Variants in FLI1 observed in about 807,000 individuals in gnomAD.
The protein encoded by FLI1 is Friend leukemia integration 1 transcription factor.
Under a neutral mutation model 53.1 loss-of-function variants are expected in FLI1, and 13 were observed. The ratio of observed to expected loss-of-function variants is 0.24; its 90% confidence interval spans 0.16 to 0.39. FLI1 has a LOEUF of 0.39. FLI1 is among the 10% of genes least tolerant of loss of function. FLI1 has a pLI of 1.00. For synonymous variants in FLI1, 244 were observed against 236.7 expected, an observed-to-expected ratio of 1.03 and a Z score of -0.28; for missense variants, 424 against 600.5, an observed-to-expected ratio of 0.71 and a Z score of 3.07.
rs749243304 is a variant in FLI1, at chr11:128,781,991, C to A, written c.623C>A (p.Thr208Asn). The part of the protein sequence containing the change: ...SLLAYNTTSH[T>N]DQSSRLSVKE... ...CTGGCCTATAATACAACCTCCCACA[C>A]CGACCAATCCTCACGATTGAGTGTC... Residue 208 changes from threonine to asparagine, a missense_variant, in exon 5 of 9, where the codon ACC becomes AAC. Physicochemically the swap from Thr to Asn is moderately conservative, Grantham distance 65 (BLOSUM62 0). This residue lies in a region of FLI1 where 114 missense variants were observed against 117.9 expected (regional missense o/e 0.97). Coordinates refer to ENST00000527786, the MANE Select transcript of FLI1 (RefSeq NM_002017.5). 2 of 1,613,948 alleles carry A rather than the reference C, an allele frequency of 1.2e-6. No individual in the cohort carries two copies. The highest frequency in any genetic ancestry group is 1.7e-6 in the Non-Finnish European group (2 of 1,179,832).
At chr11:128,802,108 C>T (rs964240411) in intron 5 of FLI1, among the ~76,000 whole-genome samples, 1 of 152,182 alleles carries the variant, frequency 6.6e-6, no homozygotes, top group African/African-American at 2.4e-5. Context: ...CTGTGCTGGG[C>T]ACTATGCTGG....
chr11:128,765,177 G>A (rs574443763), intron 2 of FLI1, among the ~76,000 whole-genome samples: 9 of 152,270 alleles, frequency 5.9e-5, no homozygotes, highest in East Asian at 5.8e-4. Context: ...CCTCCTCTGC[G>A]TCCACTTTCC....
At chr11:128,693,627 C>A (rs1937856777), upstream of FLI1, 1 of 225,508 alleles carries the variant, frequency 4.4e-6, no homozygotes, top group Non-Finnish European at 8.8e-6. Context: ...TTCGGCCAAC[C>A]GCCTCAGGAA....
chr11:128,688,758 G>C (rs1050908012), intron 1 of FLI1, among the ~76,000 whole-genome samples: 1 of 152,216 alleles, frequency 6.6e-6, no homozygotes, highest in Non-Finnish European at 1.5e-5. Flanking sequence ...GAAAGGGAGA[G>C]AGGGAAGAGG....
chr11:128,715,934 CA>C (rs1447883965), intron 1 of FLI1, among the ~76,000 whole-genome samples: 1 of 152,166 alleles, frequency 6.6e-6, no homozygotes, highest in East Asian at 1.9e-4. Flanking sequence ...CTAAGGAGAG[CA>C]AGGTTTGTGA....
At chr11:128,780,678 G>A (rs762704728) in intron 4 of FLI1, among the ~76,000 whole-genome samples, 4 of 152,180 alleles carry the variant, frequency 2.6e-5, no homozygotes, top group African/African-American at 7.2e-5. Context: ...ACAACCAAAC[G>A]CCCACAGCTG....
At chr11:128,700,359 T>C (rs1938272663) in intron 1 of FLI1, among the ~76,000 whole-genome samples, 1 of 152,238 alleles carries the variant, frequency 6.6e-6, no homozygotes, top group African/African-American at 2.4e-5. Context: ...TTCTCATTCC[T>C]GATTCCTGCT....
intron 1 of FLI1, among the ~76,000 whole-genome samples, chr11:128,735,259 A>G (rs1939872295): frequency 6.6e-6 from 1 of 152,232 alleles, no homozygotes; most frequent in Admixed American, 6.5e-5. Flanking sequence ...AAGTCTAGAA[A>G]ATGCATCATC....
upstream of FLI1, chr11:128,693,529 C>T (rs751030140): frequency 6.0e-5 from 11 of 184,138 alleles, no homozygotes; most frequent in Non-Finnish European, 1.2e-4. Flanking sequence ...CCTACCCCAC[C>T]CCCAAAAAGT....
intron 5 of FLI1, among the ~76,000 whole-genome samples, chr11:128,790,710 A>T (rs1177698398): frequency 6.6e-6 from 1 of 152,234 alleles, no homozygotes; most frequent in Non-Finnish European, 1.5e-5. Flanking sequence ...GTATCAGTCC[A>T]CTGCCTTATT....
intron 3 of FLI1, among the ~76,000 whole-genome samples, chr11:128,771,529 C>G (rs1460411067): frequency 6.6e-6 from 1 of 152,242 alleles, no homozygotes; most frequent in Non-Finnish European, 1.5e-5. Context: ...CACATCCACT[C>G]CTAGTCATTC....
At chr11:128,770,758 C>A (rs915308704) in intron 3 of FLI1, among the ~76,000 whole-genome samples, 1 of 152,232 alleles carries the variant, frequency 6.6e-6, no homozygotes, top group African/African-American at 2.4e-5. Flanking sequence ...TAATCCAACT[C>A]TCCCGAGGAT....
chr11:128,713,829 C>T (rs1034368619), intron 1 of FLI1, among the ~76,000 whole-genome samples: 2 of 152,078 alleles, frequency 1.3e-5, no homozygotes, highest in African/African-American at 2.4e-5. Flanking sequence ...TAAGTCTTTA[C>T]TGGATGAGTG....
At chr11:128,748,724 A>T (rs1214673527) in intron 1 of FLI1, among the ~76,000 whole-genome samples, 1 of 152,044 alleles carries the variant, frequency 6.6e-6, no homozygotes, top group Non-Finnish European at 1.5e-5. Context: ...CTAAAATTGG[A>T]GACGGCAAAG....
Position 128,694,079 on chromosome 11 carries a change from G to T in FLI1, c.-180G>T, listed in dbSNP as rs1937902424. The T allele has an allele frequency of 1.4e-5, 6 of 434,038 alleles. No individual in the cohort carries two copies. The highest frequency in any genetic ancestry group is 1.4e-4 in the South Asian group (2 of 14,116). The allele number at this position is 434,038 out of a possible 1,614,324, so 26.9% of individuals were successfully genotyped here. A position where few individuals can be genotyped will look rare whatever the true frequency, so the allele number is the denominator to read the frequency against. On this transcript the variant is annotated 5_prime_UTR_variant, in exon 1 of 9. Transcript: ENST00000527786. ...TTTCATCCGGTTAACTGTCTCTTTC[G>T]CTCCGCTACAACAACAAACGTGCAC...
Position 128,753,467 on chromosome 11 carries a change from G to A in FLI1, c.19-4648G>A, listed in dbSNP as rs139476487. Among the ~76,000 whole-genome samples the A allele has an allele frequency of 4.4e-3, 663 of 152,310 alleles. 5 individuals are homozygous for A. The highest frequency in any genetic ancestry group is 0.015 in the African/African-American group (632 of 41,562). ...GAAGGAATGTAGTCCCTCTGAGGAT[G>A]GCTGGTGAATTTGCATGCTGGTGTT... On this transcript the variant is annotated intron_variant, in intron 1 of 8. Coordinates refer to ENST00000527786, the MANE Select transcript of FLI1 (RefSeq NM_002017.5).
intron 5 of FLI1, among the ~76,000 whole-genome samples, chr11:128,787,880 C>T (rs1159520155): frequency 6.8e-6 from 1 of 147,212 alleles, no homozygotes; most frequent in Non-Finnish European, 1.5e-5. Context: ...GATCTCGGCT[C>T]ACTGCAAGCT....
intron 5 of FLI1, among the ~76,000 whole-genome samples, chr11:128,789,249 A>G (rs555795588): frequency 3.0e-4 from 46 of 152,264 alleles, no homozygotes; most frequent in African/African-American, 1.1e-3. Flanking sequence ...TGGGTGTTTG[A>G]TGTGGGTTTC....
chr11:128,710,642 A>G (rs1938750298), intron 1 of FLI1, among the ~76,000 whole-genome samples: 1 of 152,254 alleles, frequency 6.6e-6, no homozygotes, highest in African/African-American at 2.4e-5. Flanking sequence ...CATCTGACAC[A>G]ATGAAAGCAA....
Sources: gnomAD v4.1 joint callset for allele counts (sites outside exome capture counted in the v4.1 genomes callset) on GRCh38, gnomAD v4.1.1 for gene constraint, gnomAD v4.1.1 regional missense constraint, MANE v1.5 for transcripts, NCBI Gene and HGNC (gene_info 2026-07-23, HGNC 2026-07-21) for gene names.